Variants in FOXK2 observed in about 807,000 individuals in gnomAD.
FOXK2 encodes forkhead box protein K2.
Under a neutral mutation model 53.3 loss-of-function variants are expected in FOXK2, and 24 were observed. That is an observed-to-expected ratio of 0.45 (90% CI 0.33 to 0.63). The LOEUF (loss-of-function observed/expected upper bound fraction) is 0.63, where lower values mean the gene tolerates loss of function less well. Among genes scored for constraint, FOXK2 ranks in the 30% least tolerant of loss-of-function variants. The pLI is 0.03. For synonymous variants in FOXK2, 505 were observed against 407.1 expected (o/e 1.24, Z -2.89); for missense variants, 952 against 910.5 (o/e 1.05, Z -0.59).
intron 8 of FOXK2, among the ~76,000 whole-genome samples, chr17:82,590,919 C>T (rs1011373229): frequency 2.0e-5 from 3 of 152,062 alleles, no homozygotes; most frequent in South Asian, 2.1e-4. Flanking sequence ...GCAGATAGGC[C>T]GAGGCTGGGC....
rs1259020003 is a variant in FOXK2 at position 82,522,943 on chromosome 17, C to T, written c.419+2636C>T. Among the ~76,000 whole-genome samples, 7 of 152,034 alleles carry T rather than the reference C, an allele frequency of 4.6e-5. No individual in the cohort carries two copies. The South Asian group carries it at 1.2e-3, about 27-fold the overall frequency. ...CTGAGTAGCTGGGATTACAGGCACA[C>T]GCCACCACACCCAGCTAATTTTTGT... On this transcript the variant is annotated intron_variant, in intron 1 of 8. Transcript: ENST00000335255.
intron 1 of FOXK2, among the ~76,000 whole-genome samples, chr17:82,552,523 A>G (rs534486069): frequency 1.7e-4 from 25 of 145,788 alleles, no homozygotes; most frequent in South Asian, 6.6e-4. Context: ...ATCCTCTTCT[A>G]TGTGTGGCCA....
chr17:82,537,616 T>A (rs2044532838), intron 1 of FOXK2, among the ~76,000 whole-genome samples: 3 of 59,706 alleles, frequency 5.0e-5, no homozygotes, highest in East Asian at 6.2e-4. Flanking sequence ...TGAGACTCCA[T>A]CTCAAAAAAA....
At chr17:82,543,791 T>C (rs1485225269) in intron 1 of FOXK2, among the ~76,000 whole-genome samples, 1 of 150,002 alleles carries the variant, frequency 6.7e-6, no homozygotes, top group African/African-American at 2.5e-5. Context: ...TTTTTTTTTT[T>C]TTTGAGACGG....
intron 8 of FOXK2, chr17:82,587,520 T>C (rs1438104054): frequency 7.7e-6 from 4 of 517,268 alleles, no homozygotes; most frequent in Non-Finnish European, 1.4e-5. Context: ...GGAAAAATAC[T>C]CTCGCCTCTT....
At chr17:82,558,451 G>A (rs541736880) in intron 1 of FOXK2, among the ~76,000 whole-genome samples, 5 of 152,328 alleles carry the variant, frequency 3.3e-5, no homozygotes, top group East Asian at 1.9e-4. Context: ...GTAACTCTAC[G>A]GAGAAGTACG....
chr17:82,585,013 G>A (rs2045116280), intron 6 of FOXK2, among the ~76,000 whole-genome samples: 2 of 152,274 alleles, frequency 1.3e-5, no homozygotes. Flanking sequence ...GGTCATTTGG[G>A]ATTCCTGGCC....
At chr17:82,583,920 A>T in intron 5 of FOXK2, 93 bp from the exon 6 acceptor site, 2 of 1,328,338 alleles carry the variant, frequency 1.5e-6, no homozygotes, top group Non-Finnish European at 1.0e-6. Context: ...GAGACAAATG[A>T]CACCCCCTTT....
chr17:82,562,088 G>A (rs1387492821), intron 1 of FOXK2, among the ~76,000 whole-genome samples: 2 of 152,224 alleles, frequency 1.3e-5, no homozygotes, highest in African/African-American at 4.8e-5. Flanking sequence ...AGAGTCTATG[G>A]CTATTTTTAA....
chr17:82,593,840 C>T (rs1434865034), intron 8 of FOXK2: 1 of 152,300 alleles, frequency 6.6e-6, no homozygotes, highest in Non-Finnish European at 1.5e-5. Context: ...GTCTGAGGGT[C>T]CCTGGACGTC....
At chr17:82,585,747 C>T (rs974986455) in intron 6 of FOXK2, among the ~76,000 whole-genome samples, 157 bp from the exon 7 acceptor site, 2 of 152,202 alleles carry the variant, frequency 1.3e-5, no homozygotes, top group Non-Finnish European at 2.9e-5. Flanking sequence ...ACTACACCTC[C>T]CTCATTATTA....
chr17:82,552,978 G>A (rs905989011), intron 1 of FOXK2, among the ~76,000 whole-genome samples: 1 of 152,146 alleles, frequency 6.6e-6, no homozygotes, highest in African/African-American at 2.4e-5. Context: ...CTCTGTTGCC[G>A]AGGCTGCAGT....
At chr17:82,581,170 T>C (rs1378725868) in intron 4 of FOXK2, among the ~76,000 whole-genome samples, 1 of 152,100 alleles carries the variant, frequency 6.6e-6, no homozygotes, top group Non-Finnish European at 1.5e-5. Flanking sequence ...TTTAACACTT[T>C]AATAGCTTAA....
At chr17:82,570,539 C>T (rs1290913017) in intron 3 of FOXK2, among the ~76,000 whole-genome samples, 11 of 152,306 alleles carry the variant, frequency 7.2e-5, no homozygotes, top group South Asian at 6.2e-4. Context: ...GAGCTGTCAG[C>T]GCTGAACGCG....
chr17:82,563,610 C>T (rs2044821758), intron 2 of FOXK2, 62 bp downstream of exon 2: 1 of 1,460,368 alleles, frequency 6.8e-7, no homozygotes, highest in Non-Finnish European at 9.3e-7. Flanking sequence ...CCAAGTAACG[C>T]CTTTCTCCTT....
intron 4 of FOXK2, among the ~76,000 whole-genome samples, chr17:82,574,267 G>A (rs899732592): frequency 2.0e-5 from 3 of 152,136 alleles, no homozygotes; most frequent in African/African-American, 4.8e-5. Context: ...TAATTAAGCG[G>A]GAGAGGGATT....
Position 82,601,417 on chromosome 17 carries a change from C to T in FOXK2, c.1901C>T (p.Thr634Ile), listed in dbSNP as rs1329419562. 1.9e-6 allele frequency: 3 copies of T among 1,612,880 alleles called. No homozygotes were observed. In the Admixed American group the frequency reaches 5.0e-5, roughly 27 times the overall value. ...CAGCCGGAGCTGAAGCGGATCAAGACAGAAGACGGCGAGGGCATCGTCATT... is the reference window on the plus strand; with the variant it reads ...CAGCCGGAGCTGAAGCGGATCAAGATAGAAGACGGCGAGGGCATCGTCATT... ...PEQPELKRIKTEDGEGIVIAL... is the reference protein window; with the variant it reads ...PEQPELKRIKIEDGEGIVIAL... The change falls in exon 9 of 9, where the codon ACA becomes ATA. Residue 634 changes from threonine to isoleucine, a missense_variant. Physicochemically the swap from Thr to Ile is moderately conservative, Grantham distance 89. Coordinates refer to ENST00000335255, the MANE Select transcript of FOXK2 (RefSeq NM_004514.4).
At chr17:82,524,186 G>C (rs950789300) in intron 1 of FOXK2, among the ~76,000 whole-genome samples, 2 of 152,172 alleles carry the variant, frequency 1.3e-5, no homozygotes, top group African/African-American at 2.4e-5. Context: ...CACTGCGCCT[G>C]TCCTAAGGCT....
Position 82,542,226 on chromosome 17 carries a change from A to G in FOXK2, c.420-21128A>G, listed in dbSNP as rs1232633816. Among the ~76,000 whole-genome samples the G allele has an allele frequency of 2.0e-5, 3 of 146,992 alleles. No individual in the cohort carries two copies. The East Asian group carries it at 6.0e-4, about 29-fold the overall frequency. On this transcript the variant is annotated intron_variant, in intron 1 of 8. Transcript: ENST00000335255. ...GCCCAGGCTGGAGTGCAATGGTGCG[A>G]TCTCGGCTCACTGCAACCTCCGCCT...
Sources: gnomAD v4.1 joint callset for allele counts (sites outside exome capture counted in the v4.1 genomes callset) on GRCh38, gnomAD v4.1.1 for gene constraint, MANE v1.5 for transcripts, NCBI Gene and HGNC (gene_info 2026-07-23, HGNC 2026-07-21) for gene names.